TEPSIN: variants seen among roughly 807,000 people sequenced by gnomAD.
TEPSIN encodes the protein TEPSIN adaptor related protein complex 4 accessory protein.
TEPSIN carries 50 observed loss-of-function variants against 48.5 expected under a neutral mutation model. The observed-to-expected ratio is 1.03, with a 90% CI of 0.82 to 1.31. The LOEUF (loss-of-function observed/expected upper bound fraction) is 1.31, where lower values mean the gene tolerates loss of function less well. Among genes scored for constraint, TEPSIN ranks in the 50% most tolerant of loss-of-function variants. The pLI, the probability that TEPSIN is intolerant of heterozygous loss-of-function variation, is 0.00. For synonymous variants in TEPSIN, 392 were observed against 358.8 expected, an observed-to-expected ratio of 1.09 and a Z score of -1.05; for missense variants, 838 against 815.9, an observed-to-expected ratio of 1.03 and a Z score of -0.33.
At chr17:81,237,606 C>T (rs2062748071) in intron 1 of TEPSIN, 147 bp from the exon 2 acceptor site, 2 of 827,746 alleles carry the variant, frequency 2.4e-6, no homozygotes, top group Non-Finnish European at 3.7e-6. Flanking sequence ...AACTGTGCTA[C>T]TGGCCACAGG....
At position 81,236,997 on chromosome 17, in the gene TEPSIN, CGGAGCTGCTGTG is replaced by C; in HGVS notation, c.184_195del (p.His62_Ser65del). On this transcript the variant is annotated inframe_deletion, in exon 3 of 13. Coordinates refer to ENST00000637944, the MANE Select transcript of TEPSIN (RefSeq NM_001363764.2). ...GGGCTCACCTTGAGCTTCCCGTGGC[CGGAGCTGCTGTG>C]CAGGCGGCTCAGGAGGTACTCCAGC... 6.3e-7 allele frequency: 1 copy of C among 1,587,698 alleles called. No individual in the cohort carries two copies. Among genetic ancestry groups the C allele is most frequent in the Non-Finnish European group, 8.6e-7 (1 of 1,166,974 alleles).
chr17:81,228,780 G>A lies in TEPSIN; in HGVS notation c.*148C>T, dbSNP rs1567896978. ...CAAATAGCCAGAGCCTCTGGCAGAG[G>A]AGATGGGGGAAACTGAGGTAGCCCT... On this transcript the variant is annotated 3_prime_UTR_variant, in exon 13 of 13. Transcript: ENST00000637944. 2 of 929,324 alleles carry A rather than the reference G, an allele frequency of 2.2e-6. No individual in the cohort carries two copies. The highest frequency in any genetic ancestry group is 3.2e-6 in the Non-Finnish European group (2 of 616,202). The allele number at this position is 929,324 out of a possible 1,614,324, so 57.6% of individuals were successfully genotyped here. A position where few individuals can be genotyped will look rare whatever the true frequency, so the allele number is the denominator to read the frequency against.
chr17:81,228,598 G>A lies in TEPSIN; in HGVS notation c.*330C>T, dbSNP rs1567896680. 1 of 381,294 alleles carries A rather than the reference G, an allele frequency of 2.6e-6. No homozygotes were observed. The highest frequency in any genetic ancestry group is 4.7e-6 in the Non-Finnish European group (1 of 211,264). The allele number at this position is 381,294 out of a possible 1,614,324, so 23.6% of individuals were successfully genotyped here. On this transcript the variant is annotated 3_prime_UTR_variant, in exon 13 of 13. Transcript: ENST00000637944. ...TGACCTCCTGGGGAAGGAGGGAGCT[G>A]AGATCAAAATGAAATAAGGAACCTG...
rs753730600 is a variant in TEPSIN at position 81,237,053 on chromosome 17, G to A, written c.140C>T (p.Pro47Leu). Residue 47 changes from proline to leucine, a missense_variant, in exon 3 of 13, where the codon CCG becomes CTG. Coordinates refer to ENST00000637944, the MANE Select transcript of TEPSIN (RefSeq NM_001363764.2). ...CTCCAGCAGGCACTGGCTGCTGCCC[G>A]GAGACTCGTGGGAGATTTCTGCGGC... ...EEIAKISHES[P>L]GSSQCLLEYL... 23 of 1,594,230 alleles carry A rather than the reference G, an allele frequency of 1.4e-5. No individual in the cohort carries two copies. Among genetic ancestry groups the A allele is most frequent in the Middle Eastern group, 1.7e-4 (1 of 5,832 alleles).
chr17:81,236,162 C>T (rs1318901715), intron 4 of TEPSIN, among the ~76,000 whole-genome samples: 1 of 152,212 alleles, frequency 6.6e-6, no homozygotes, highest in African/African-American at 2.4e-5. Flanking sequence ...CCCAAGCCTG[C>T]GGGGACAGCT....
At chr17:81,238,535 C>T (rs1476085576) in intron 1 of TEPSIN, 4 of 848,362 alleles carry the variant, frequency 4.7e-6, no homozygotes, top group Middle Eastern at 5.6e-4. Context: ...CTTCTCTGTC[C>T]CTTCGAGACG....
At chr17:81,232,886 G>A (rs112286273) in intron 7 of TEPSIN, 12,998 of 242,522 alleles carry the variant, frequency 0.054, 480 homozygotes, top group Non-Finnish European at 0.079. Flanking sequence ...AAGCTGCCCC[G>A]ACACCAAAGT....
rs190963055 is a variant in TEPSIN at position 81,232,999 on chromosome 17, G to C, written c.526+433C>G. 8 of 246,682 alleles carry C rather than the reference G, an allele frequency of 3.2e-5. No homozygotes were observed. In the South Asian group the frequency reaches 4.4e-4, roughly 14 times the overall value. The allele number at this position is 246,682 out of a possible 1,614,324, so 15.3% of individuals were successfully genotyped here. A position where few individuals can be genotyped will look rare whatever the true frequency, so the allele number is the denominator to read the frequency against. ...CGGCAGCAGGGCACAGCTGGGCTGG[G>C]GGCTGGGTCCCAGCCGCAGGCAGTG... is the stretch of plus-strand genomic sequence containing the variant. On this transcript the variant is annotated intron_variant, in intron 7 of 12. Coordinates refer to ENST00000637944, the MANE Select transcript of TEPSIN (RefSeq NM_001363764.2).
rs2062736158 is a variant in TEPSIN, at chr17:81,237,063, G to A, written c.130C>T (p.His44Tyr). 1 of 1,592,214 alleles carries A rather than the reference G, an allele frequency of 6.3e-7. No homozygotes were observed. The highest frequency in any genetic ancestry group is 8.5e-7 in the Non-Finnish European group (1 of 1,169,706). The change falls in exon 3 of 13, where the codon CAC becomes TAC. Residue 44 changes from histidine (H) to tyrosine (Y), a missense_variant. His to Tyr is a moderately conservative substitution (Grantham distance 83). Coordinates refer to ENST00000637944, the MANE Select transcript of TEPSIN (RefSeq NM_001363764.2). ...CACTGGCTGCTGCCCGGAGACTCGT[G>A]GGAGATTTCTGCGGCACGCTCGGGT... ...YLFEEIAKIS[H>Y]ESPGSSQCLL... is the part of the protein sequence containing the mutation.
chr17:81,231,759 G>C (rs1450436961), intron 9 of TEPSIN, 68 bp from the exon 10 acceptor site: 4 of 1,606,848 alleles, frequency 2.5e-6, no homozygotes, highest in Non-Finnish European at 3.4e-6. Context: ...TCGCATGGGG[G>C]AGAACCTGGA....
chr17:81,228,813 T>C lies in TEPSIN; in HGVS notation c.*115A>G, dbSNP rs1228798111. ...GGAAACTGAGGTAGCCCTAGGGTCG[T>C]CCTCTCAAGTCAAGCTGCCTGGAGA... On this transcript the variant is annotated 3_prime_UTR_variant, in exon 13 of 13. Coordinates refer to ENST00000637944, the MANE Select transcript of TEPSIN (RefSeq NM_001363764.2). The C allele has an allele frequency of 1.3e-5, 17 of 1,317,132 alleles. No individual in the cohort carries two copies. Among genetic ancestry groups the C allele is most frequent in the South Asian group, 3.9e-5 (3 of 76,162 alleles). The allele number at this position is 1,317,132 out of a possible 1,614,324, so 81.6% of individuals were successfully genotyped here.
In TEPSIN at chr17:81,237,405, G is replaced by A. The variant is rs1393651654; in HGVS notation, c.103C>T (p.Leu35=). The A allele has an allele frequency of 6.2e-7, 1 of 1,611,980 alleles. No individual in the cohort carries two copies. The highest frequency in any genetic ancestry group is 8.5e-7 in the Non-Finnish European group (1 of 1,179,460). ...SDDDVPCPGY[L]FEEIAKISHE... The stretch of plus-strand genomic sequence containing the variant: ...AGGATACTAGCAATCTCTTCAAACA[G>A]GTAGCCCGGACACGGGACATCATCA... Residue 35 remains leucine, a synonymous_variant, in exon 2 of 13, where the codon CTG becomes TTG. Coordinates refer to ENST00000637944, the MANE Select transcript of TEPSIN (RefSeq NM_001363764.2).
In TEPSIN at chr17:81,230,534, A is replaced by C; in HGVS notation, c.1233+10T>G. ...ACCCCGGTGTGCGTGTGGCCTCCGCAGCTGCCCACCTTGGTGGCCTTGTTG... is the reference window on the plus strand; with the variant it reads ...ACCCCGGTGTGCGTGTGGCCTCCGCCGCTGCCCACCTTGGTGGCCTTGTTG... On this transcript the variant is annotated intron_variant, in intron 12 of 12. Coordinates refer to ENST00000637944, the MANE Select transcript of TEPSIN (RefSeq NM_001363764.2). This position sits in a 1 kb window ranked among gnomAD's most constrained non-coding sequence, Gnocchi z 4.2. 6.2e-7 allele frequency: 1 copy of C among 1,610,920 alleles called. No individual in the cohort carries two copies. The highest frequency in any genetic ancestry group is 8.5e-7 in the Non-Finnish European group (1 of 1,179,166).
chr17:81,235,394 CA>C (rs2062703323), intron 4 of TEPSIN, among the ~76,000 whole-genome samples: 2 of 152,202 alleles, frequency 1.3e-5, no homozygotes, highest in Non-Finnish European at 2.9e-5. Flanking sequence ...TGGCATCTGG[CA>C]CCCACTTTCC....
At position 81,231,650 on chromosome 17, in the gene TEPSIN, C is replaced by G; in HGVS notation, c.947G>C (p.Ser316Thr). The G allele has an allele frequency of 6.2e-7, 1 of 1,613,226 alleles. No homozygotes were observed. The highest frequency in any genetic ancestry group is 1.1e-5 in the South Asian group (1 of 91,038). The change falls in exon 10 of 13, where the codon AGC (serine) becomes ACC (threonine). Residue 316 changes from serine (S) to threonine (T), a missense_variant. Coordinates refer to ENST00000637944, the MANE Select transcript of TEPSIN (RefSeq NM_001363764.2). ...TCCCCGAGTCACAGTCCTCACCAAGCTCAACTCCTGCTGACAGTCACTCAG... is the reference window on the plus strand; with the variant it reads ...TCCCCGAGTCACAGTCCTCACCAAGGTCAACTCCTGCTGACAGTCACTCAG... ...VALSDCQQEL[S>T]LVRTVTRGPR...
rs766311367 is a variant in TEPSIN, at chr17:81,233,543, C to T, written c.455-40G>A. 2 of 1,567,108 alleles carry T rather than the reference C, an allele frequency of 1.3e-6. No individual in the cohort carries two copies. Among genetic ancestry groups the T allele is most frequent in the East Asian group, 2.3e-5 (1 of 44,072 alleles). ...CCGTTAGCAGCAAGCCGGCCCCCAC[C>T]CTCGGCCCTGCCCACGGATGGCACA... On this transcript the variant is annotated intron_variant, in intron 6 of 12. Coordinates refer to ENST00000637944, the MANE Select transcript of TEPSIN (RefSeq NM_001363764.2). This position sits in a 1 kb window ranked among gnomAD's most constrained non-coding sequence, Gnocchi z 5.8.
rs993709696 is a variant in TEPSIN, at chr17:81,228,640, T to C, written c.*288A>G. The C allele has an allele frequency of 6.0e-6, 3 of 498,560 alleles. No homozygotes were observed. In the African/African-American group the frequency reaches 6.1e-5, roughly 10 times the overall value. 30.9% of individuals were successfully genotyped at this position (498,560 alleles called of 1,614,324 possible). On this transcript the variant is annotated 3_prime_UTR_variant, in exon 13 of 13. Coordinates refer to ENST00000637944, the MANE Select transcript of TEPSIN (RefSeq NM_001363764.2). ...AGGAACCTGGTAGTCGCTTCCGCAT[T>C]CATACAAGAAACCTCATGTCTGAGA...
chr17:81,229,732 T>G (rs1194957348), intron 12 of TEPSIN: 3 of 527,370 alleles, frequency 5.7e-6, no homozygotes, highest in Non-Finnish European at 1.0e-5. Flanking sequence ...CTTTACTCAC[T>G]ACTAGACAAA....
chr17:81,233,525 C>A lies in TEPSIN; in HGVS notation c.455-22G>T. The A allele has an allele frequency of 6.3e-7, 1 of 1,577,230 alleles. No individual in the cohort carries two copies. The highest frequency in any genetic ancestry group is 1.2e-5 in the South Asian group (1 of 86,066). ...ATGCCTGCAGAGGGTCCTCCGTTAG[C>A]AGCAAGCCGGCCCCCACCCTCGGCC... is the stretch of plus-strand genomic sequence containing the variant. On this transcript the variant is annotated intron_variant, in intron 6 of 12. Coordinates refer to ENST00000637944, the MANE Select transcript of TEPSIN (RefSeq NM_001363764.2). The surrounding 1 kb of genome is among the most constrained non-coding windows in gnomAD (Gnocchi z 5.8).
Sources: allele counts gnomAD v4.1 joint callset (sites outside exome capture counted in the v4.1 genomes callset), GRCh38; gene constraint gnomAD v4.1.1; non-coding constraint Gnocchi (gnomAD v3.1); transcripts MANE v1.5; gene names NCBI Gene and HGNC (gene_info 2026-07-23, HGNC 2026-07-21).